The following MCF2L2 variants were observed in gnomAD, a reference collection of about 807,000 sequenced individuals.
MCF2L2 encodes the protein probable guanine nucleotide exchange factor MCF2L2.
In MCF2L2, 102 loss-of-function variants were observed where a neutral mutation model predicts 150.2. The observed-to-expected ratio is 0.68, with a 90% CI of 0.58 to 0.80. The LOEUF is 0.80. Among genes scored for constraint, MCF2L2 ranks in the 30% least tolerant of loss-of-function variants. The pLI, the probability that MCF2L2 is intolerant of heterozygous loss-of-function variation, is 0.00. For synonymous variants in MCF2L2, 465 were observed against 491.3 expected (o/e 0.95, Z 0.71); for missense variants, 1,256 against 1,372.8 (o/e 0.91, Z 1.34).
chr3:183,421,700 G>A (rs1715891476), intron 1 of MCF2L2, among the ~76,000 whole-genome samples: 1 of 152,164 alleles, frequency 6.6e-6, no homozygotes, highest in Non-Finnish European at 1.5e-5. Context: ...ACACTTTCCT[G>A]TTTGTTTGAA....
At chr3:183,414,913 T>G (rs1715509652) in intron 1 of MCF2L2, among the ~76,000 whole-genome samples, 1 of 152,256 alleles carries the variant, frequency 6.6e-6, no homozygotes, top group African/African-American at 2.4e-5. Context: ...AAGAACATAC[T>G]TTGTATAATT....
intron 3 of MCF2L2, among the ~76,000 whole-genome samples, chr3:183,349,647 T>G (rs562190701): frequency 6.6e-6 from 1 of 152,224 alleles, no homozygotes; most frequent in East Asian, 1.9e-4. Flanking sequence ...CTGTCTCACT[T>G]AACCTAACGA....
chr3:183,335,091 C>G (rs1730420494), intron 5 of MCF2L2, among the ~76,000 whole-genome samples: 1 of 149,386 alleles, frequency 6.7e-6, no homozygotes, highest in Non-Finnish European at 1.5e-5. Flanking sequence ...GCACTCCAGC[C>G]TGGGCAACAG....
At chr3:183,188,333 A>T (rs1721767195) in intron 27 of MCF2L2, among the ~76,000 whole-genome samples, 1 of 152,198 alleles carries the variant, frequency 6.6e-6, no homozygotes, top group African/African-American at 2.4e-5. Context: ...CACTGAGGTT[A>T]AAGTTGGAGA....
rs138948590 is a variant in MCF2L2, at chr3:183,200,196, G to A, written c.2885-4941C>T. ...TGTAGTTCTAGATCTTTGAGGAATCGCCACACTGTCTTCCACAATGGTTGA... is the reference window on the plus strand; with the variant it reads ...TGTAGTTCTAGATCTTTGAGGAATCACCACACTGTCTTCCACAATGGTTGA... On this transcript the variant is annotated intron_variant, in intron 25 of 29. Transcript: ENST00000328913. Among the ~76,000 whole-genome samples, 88 of 152,286 alleles carry A rather than the reference G, an allele frequency of 5.8e-4. 1 individual carries two copies. Among genetic ancestry groups the A allele is most frequent in the Non-Finnish European group, 9.1e-4 (62 of 68,020 alleles).
chr3:183,258,410 T>G (rs1255009791), intron 15 of MCF2L2: 1 of 152,566 alleles, frequency 6.6e-6, no homozygotes, highest in Admixed American at 6.5e-5. Context: ...GGGGTATGGC[T>G]GTAGACTTCT....
chr3:183,234,712 TATACTC>T (rs1723735230), intron 15 of MCF2L2, among the ~76,000 whole-genome samples: 1 of 140,338 alleles, frequency 7.1e-6, no homozygotes, highest in Non-Finnish European at 1.5e-5. Flanking sequence ...TTTTTTTTAT[TATACTC>T]TAAGTTTTAG....
chr3:183,310,651 A>G, intron 9 of MCF2L2: 1 of 394,172 alleles, frequency 2.5e-6, no homozygotes, highest in Non-Finnish European at 4.6e-6. Flanking sequence ...TGACAGAGCA[A>G]GACCCTGTTT....
At chr3:183,310,288 G>T (rs1051951481) in intron 9 of MCF2L2, among the ~76,000 whole-genome samples, 4 of 152,126 alleles carry the variant, frequency 2.6e-5, no homozygotes, top group African/African-American at 7.2e-5. Context: ...GGTCACAGAG[G>T]TCAGGAGATT....
intron 14 of MCF2L2, among the ~76,000 whole-genome samples, chr3:183,280,492 T>C (rs1240608976): frequency 6.6e-6 from 1 of 151,964 alleles, no homozygotes; most frequent in Non-Finnish European, 1.5e-5. Context: ...CAAAGTTAAA[T>C]GATTTTACTT....
chr3:183,322,212 A>G (rs1417396365), intron 6 of MCF2L2, among the ~76,000 whole-genome samples: 2 of 152,254 alleles, frequency 1.3e-5, no homozygotes, highest in African/African-American at 4.8e-5. Context: ...AACTTAGCAT[A>G]ACAATCACCA....
chr3:183,380,238 C>T (rs960358782), intron 2 of MCF2L2, among the ~76,000 whole-genome samples: 1 of 152,082 alleles, frequency 6.6e-6, no homozygotes, highest in African/African-American at 2.4e-5. Context: ...AAGTTCTAGC[C>T]CCACAGTCCC....
chr3:183,305,119 C>T lies in MCF2L2; in HGVS notation c.1113+4597G>A, dbSNP rs981156033. On this transcript the variant is annotated intron_variant, in intron 10 of 29. Transcript: ENST00000328913. The surrounding 1 kb of genome is among the most constrained non-coding windows in gnomAD (Gnocchi z 4.1). ...ACCAAAGGGAAGTGGAGCACAATGG[C>T]CCAAGGTGACCCAGGTAGGAAAGAG... 1.3e-5 allele frequency among the ~76,000 whole-genome samples: 2 copies of T among 152,136 alleles called. No individual in the cohort carries two copies. The highest frequency in any genetic ancestry group is 2.4e-5 in the African/African-American group (1 of 41,416).
intron 3 of MCF2L2, among the ~76,000 whole-genome samples, chr3:183,357,827 T>C (rs969613744): frequency 1.4e-4 from 21 of 145,376 alleles, no homozygotes; most frequent in Non-Finnish European, 3.0e-4. Context: ...CTCCATGATG[T>C]AAAGATATTT....
At chr3:183,189,926 T>G (rs915195328) in intron 27 of MCF2L2, among the ~76,000 whole-genome samples, 1 of 152,202 alleles carries the variant, frequency 6.6e-6, no homozygotes, top group Non-Finnish European at 1.5e-5. Flanking sequence ...AATGACCAGA[T>G]GGCAGACTCG....
At chr3:183,320,645 C>T (rs1442610113) in intron 6 of MCF2L2, among the ~76,000 whole-genome samples, 4 of 152,338 alleles carry the variant, frequency 2.6e-5, no homozygotes, top group Non-Finnish European at 4.4e-5. Context: ...GTTTGATCTT[C>T]TATCCAGGCC....
chr3:183,290,193 C>A (rs1019288105), intron 13 of MCF2L2, among the ~76,000 whole-genome samples: 3 of 152,026 alleles, frequency 2.0e-5, no homozygotes, highest in African/African-American at 7.3e-5. Context: ...TGTACACACA[C>A]AATCATACTA....
rs557844307 is a variant in MCF2L2 at position 183,408,284 on chromosome 3, T to C, written c.77-18505A>G. 8.5e-5 allele frequency among the ~76,000 whole-genome samples: 13 copies of C among 152,238 alleles called. No homozygotes were observed. In the South Asian group the frequency reaches 2.7e-3, roughly 32 times the overall value. On this transcript the variant is annotated intron_variant, in intron 1 of 29. Coordinates refer to ENST00000328913, the MANE Select transcript of MCF2L2 (RefSeq NM_015078.4). ...CAATGAAAGAGAACCCTGGGGAGGCTTGGGACTCCACGAGCGACCTGGGAA... is the reference window on the plus strand; with the variant it reads ...CAATGAAAGAGAACCCTGGGGAGGCCTGGGACTCCACGAGCGACCTGGGAA...
chr3:183,352,037 A>G (rs186833504), intron 3 of MCF2L2, among the ~76,000 whole-genome samples: 1 of 152,212 alleles, frequency 6.6e-6, no homozygotes, highest in African/African-American at 2.4e-5. Context: ...ATATGATAAG[A>G]TACAACCAAA....
Sources: gnomAD v4.1 joint callset for allele counts (sites outside exome capture counted in the v4.1 genomes callset) on GRCh38, gnomAD v4.1.1 for gene constraint, Gnocchi (gnomAD v3.1) non-coding constraint, MANE v1.5 for transcripts, NCBI Gene and HGNC (gene_info 2026-07-23, HGNC 2026-07-21) for gene names.